PCDHGB1: variants seen among roughly 807,000 people sequenced by gnomAD.
The protein encoded by PCDHGB1 is protocadherin gamma-B1.
Under a neutral mutation model 56.6 loss-of-function variants are expected in PCDHGB1, and 34 were observed. The ratio of observed to expected loss-of-function variants is 0.60; its 90% CI spans 0.46 to 0.80. PCDHGB1 has a LOEUF of 0.80. Ranked by LOEUF, PCDHGB1 falls within the 30% of genes least tolerant of loss-of-function variation. PCDHGB1 has a pLI of 0.00. For missense variants in PCDHGB1, 1,278 were observed against 1,204.6 expected (o/e 1.06, Z -0.90); for synonymous variants, 561 against 505.9 (o/e 1.11, Z -1.46).
chr5:141,409,748 G>A (rs2095311209), intron 1 of PCDHGB1: 1 of 1,613,018 alleles, frequency 6.2e-7, no homozygotes, highest in Non-Finnish European at 8.5e-7. Context: ...GGTGGTGTTC[G>A]CGCAGCGCGC....
intron 1 of PCDHGB1, among the ~76,000 whole-genome samples, chr5:141,433,853 A>C (rs934981508): frequency 1.3e-5 from 2 of 151,912 alleles, no homozygotes; most frequent in African/African-American, 2.4e-5. Context: ...AAAAAAAAAA[A>C]AACTTTATCC....
intron 1 of PCDHGB1, chr5:141,441,694 G>A (rs1443778772): frequency 2.3e-5 from 7 of 301,140 alleles, no homozygotes; most frequent in Non-Finnish European, 2.6e-5. Context: ...GAGCAGCCGC[G>A]AGCCTTCAAG....
At chr5:141,385,897 T>G (rs1239530596) in intron 1 of PCDHGB1, 1 of 152,628 alleles carries the variant, frequency 6.6e-6, no homozygotes, top group East Asian at 1.9e-4. Flanking sequence ...GAAATGTGTG[T>G]GTATCACACT....
At chr5:141,461,924 A>C (rs930104571) in intron 1 of PCDHGB1, among the ~76,000 whole-genome samples, 1 of 152,100 alleles carries the variant, frequency 6.6e-6, no homozygotes, top group East Asian at 1.9e-4. Context: ...CCTGGGTTCC[A>C]GCAATTCTCC....
chr5:141,480,217 G>A (rs1443825272), intron 1 of PCDHGB1, among the ~76,000 whole-genome samples: 2 of 147,950 alleles, frequency 1.4e-5, no homozygotes, highest in Non-Finnish European at 3.0e-5. Context: ...CAGCCTGAGC[G>A]ACATAGTGAG....
chr5:141,450,650 C>G (rs1220350105), intron 1 of PCDHGB1, among the ~76,000 whole-genome samples: 1 of 151,618 alleles, frequency 6.6e-6, no homozygotes, highest in Non-Finnish European at 1.5e-5. Context: ...CCATGCCTGG[C>G]TAATTTTTGT....
rs1317111249 is a variant in PCDHGB1, at chr5:141,413,333, C to A, written c.2409+60664C>A. 3.1e-6 allele frequency: 5 copies of A among 1,613,966 alleles called. No individual in the cohort carries two copies. The Admixed American group carries it at 6.7e-5, about 22-fold the overall frequency. On this transcript the variant is annotated intron_variant, in intron 1 of 3. Coordinates refer to ENST00000523390, the MANE Select transcript of PCDHGB1 (RefSeq NM_018922.3). ...AAAGGCTCTTTCGTGGGCAACATCTCCAAGGACTTGGGTCTGGCGCCCCGG... is the reference window on the plus strand; with the variant it reads ...AAAGGCTCTTTCGTGGGCAACATCTACAAGGACTTGGGTCTGGCGCCCCGG...
intron 1 of PCDHGB1, chr5:141,370,262 T>G (rs1766779263): frequency 2.7e-6 from 2 of 752,044 alleles, no homozygotes; most frequent in Non-Finnish European, 4.2e-6. Flanking sequence ...TCAGGCTTCC[T>G]GCAGCGGAGA....
In PCDHGB1 at chr5:141,476,499, TC is replaced by T; in HGVS notation, c.2410-18307del. 1 of 1,614,110 alleles carries T rather than the reference TC, an allele frequency of 6.2e-7. No individual in the cohort carries two copies. Among genetic ancestry groups the T allele is most frequent in the Non-Finnish European group, 8.5e-7 (1 of 1,180,020 alleles). ...AGCGTGGAAGTGGTGATCCAGGACATCAACGACAACAATCCTGCTTTCCCTA... is the reference window on the plus strand; with the variant it reads ...AGCGTGGAAGTGGTGATCCAGGACATAACGACAACAATCCTGCTTTCCCTA... On this transcript the variant is annotated intron_variant, in intron 1 of 3. Transcript: ENST00000523390. The surrounding 1 kb of genome is among the most constrained non-coding windows in gnomAD (Gnocchi z 7.6).
Position 141,350,156 on chromosome 5 carries a change from C to G in PCDHGB1, c.-105C>G. 3.0e-6 allele frequency: 3 copies of G among 1,006,090 alleles called. No individual in the cohort carries two copies. In the East Asian group the frequency reaches 8.4e-5, roughly 28 times the overall value. 62.3% of individuals were successfully genotyped at this position (1,006,090 alleles called of 1,614,324 possible). ...GACGCTGCTCCTGTTCACCCTCGAG[C>G]GCCTAACTAATAAGTCCTAAGCTCA... On this transcript the variant is annotated 5_prime_UTR_variant, in exon 1 of 4. Coordinates refer to ENST00000523390, the MANE Select transcript of PCDHGB1 (RefSeq NM_018922.3).
chr5:141,403,442 G>A, intron 1 of PCDHGB1: 2 of 1,614,024 alleles, frequency 1.2e-6, no homozygotes, highest in Admixed American at 1.7e-5. Flanking sequence ...GGATGTTGGC[G>A]TGAACTCCCT....
intron 1 of PCDHGB1, among the ~76,000 whole-genome samples, chr5:141,368,581 G>A (rs1407306401): frequency 6.6e-6 from 1 of 152,066 alleles, no homozygotes; most frequent in Non-Finnish European, 1.5e-5. Flanking sequence ...TTAGGGTAAG[G>A]TGTTTGGGAA....
intron 1 of PCDHGB1, among the ~76,000 whole-genome samples, chr5:141,474,747 A>AGACAAATAT (rs1447050692): frequency 6.6e-6 from 1 of 152,264 alleles, no homozygotes; most frequent in African/African-American, 2.4e-5. Context: ...GTGATGTCCA[A>AGACAAATAT]GACAAATATA....
In PCDHGB1 at chr5:141,502,866, CT is replaced by C. The variant is rs549047197; in HGVS notation, c.2469-2513del. Among the ~76,000 whole-genome samples the C allele has an allele frequency of 2.5e-3, 324 of 127,930 alleles. 1 individual carries two copies. Among genetic ancestry groups the C allele is most frequent in the Non-Finnish European group, 3.0e-3 (189 of 62,366 alleles). 83.9% of individuals were successfully genotyped at this position (127,930 alleles called of 152,430 possible). On this transcript the variant is annotated intron_variant, in intron 2 of 3. Transcript: ENST00000523390. ...GAGCTGCCTAACCCTGACTCTCTGT[CT>C]TTTTTTTTTTTTTGACAGGGAGTCT...
At chr5:141,394,856 G>A (rs1008039711) in intron 1 of PCDHGB1, 1 of 1,613,792 alleles carries the variant, frequency 6.2e-7, no homozygotes, top group Non-Finnish European at 8.5e-7. Flanking sequence ...TGAAGCCTTC[G>A]GTCGACCCGA....
At chr5:141,355,739 T>C in intron 1 of PCDHGB1, 1 of 1,613,992 alleles carries the variant, frequency 6.2e-7, no homozygotes, top group Non-Finnish European at 8.5e-7. Flanking sequence ...TACTTTTCCC[T>C]GGACGTGCAA....
chr5:141,396,829 A>G (rs1216305888), intron 1 of PCDHGB1, among the ~76,000 whole-genome samples: 1 of 152,206 alleles, frequency 6.6e-6, no homozygotes, highest in African/African-American at 2.4e-5. Context: ...GTGCATATTC[A>G]GTGGAGTGGG....
At position 141,432,993 on chromosome 5, in the gene PCDHGB1, G is replaced by C. The variant is rs749499789; in HGVS notation, c.2410-61814G>C. 7 of 1,614,208 alleles carry C rather than the reference G, an allele frequency of 4.3e-6. No homozygotes were observed. In the South Asian group the frequency reaches 7.7e-5, roughly 18 times the overall value. On this transcript the variant is annotated intron_variant, in intron 1 of 3. Transcript: ENST00000523390. This position sits in a 1 kb window ranked among gnomAD's most constrained non-coding sequence, Gnocchi z 6.0. ...GCGTCGCACTTTGTGGGCGTGGACG[G>C]GGTGCAGGCTTTCCTGCAGACCTAT...
At chr5:141,382,649 T>C (rs1778342764) in intron 1 of PCDHGB1, 5 of 404,024 alleles carry the variant, frequency 1.2e-5, no homozygotes, top group Admixed American at 8.0e-5. Flanking sequence ...AGTAACTTAG[T>C]AAGGACTCAC....
Sources: allele counts gnomAD v4.1 joint callset (sites outside exome capture counted in the v4.1 genomes callset), GRCh38; gene constraint gnomAD v4.1.1; non-coding constraint Gnocchi (gnomAD v3.1); transcripts MANE v1.5; gene names NCBI Gene and HGNC (gene_info 2026-07-23, HGNC 2026-07-21).